The following PIGZ variants were observed in gnomAD, a reference collection of about 807,000 sequenced individuals.
The protein encoded by PIGZ is phosphatidylinositol glycan anchor biosynthesis class Z (Gwada blood group), also known as GPI alpha-1,2-mannosyltransferase 4.
PIGZ carries 16 observed loss-of-function variants against 16.4 expected under a neutral mutation model. The ratio of observed to expected loss-of-function variants is 0.97; its 90% confidence interval spans 0.66 to 1.48. The LOEUF is 1.48. PIGZ is among the 40% of genes most tolerant of loss of function. PIGZ has a pLI of 0.00. For missense variants in PIGZ, 770 were observed against 739.2 expected (o/e 1.04, Z -0.48); for synonymous variants, 409 against 338.4 (o/e 1.21, Z -2.29).
chr3:196,946,630 G>C lies in PIGZ; in HGVS notation c.*527C>G, dbSNP rs1560175652. The C allele has an allele frequency of 6.6e-6, 1 of 152,432 alleles. No homozygotes were observed. The highest frequency in any genetic ancestry group is 1.5e-5 in the Non-Finnish European group (1 of 68,190). 9.4% of individuals were successfully genotyped at this position (152,432 alleles called of 1,614,324 possible). On this transcript the variant is annotated 3_prime_UTR_variant, in exon 3 of 3. Transcript: ENST00000412723. ...GAGCTTTCTCAAGATCACACAGCGA[G>C]GAGGTGACAGACCAAGGGGCCAGAA...
At chr3:196,967,900 G>A (rs911984403) in intron 1 of PIGZ, among the ~76,000 whole-genome samples, 1 of 152,230 alleles carries the variant, frequency 6.6e-6, no homozygotes, top group African/African-American at 2.4e-5. Flanking sequence ...GCAAAGTGGG[G>A]ACTCCGCTCT....
chr3:196,952,109 T>C, intron 1 of PIGZ, 78 bp from the exon 2 acceptor site: 1 of 1,307,820 alleles, frequency 7.6e-7, no homozygotes, highest in Non-Finnish European at 1.1e-6. Flanking sequence ...TGAAAATGGA[T>C]CTGTCATTTA....
intron 1 of PIGZ, among the ~76,000 whole-genome samples, chr3:196,956,341 G>A (rs962994101): frequency 2.0e-5 from 3 of 152,200 alleles, no homozygotes; most frequent in South Asian, 2.1e-4. Flanking sequence ...GCAAAGGCAC[G>A]TCTTACATGG....
intron 1 of PIGZ, among the ~76,000 whole-genome samples, chr3:196,952,331 G>A (rs1717320967): frequency 6.6e-6 from 1 of 152,198 alleles, no homozygotes; most frequent in African/African-American, 2.4e-5. Context: ...TTCATTTTAT[G>A]TGTCCACTTG....
intron 1 of PIGZ, among the ~76,000 whole-genome samples, chr3:196,964,038 T>TTATTAA (rs10650838): frequency 6.6e-6 from 1 of 150,864 alleles, no homozygotes; most frequent in African/African-American, 2.5e-5. Flanking sequence ...TTGCTTTTAT[T>TTATTAA]TTTATTTTTA....
In PIGZ at chr3:196,948,679, A is replaced by T; in HGVS notation, c.218T>A (p.Ile73Asn). The T allele has an allele frequency of 2.1e-6, 3 of 1,452,700 alleles. No individual in the cohort carries two copies. In the East Asian group the frequency reaches 7.5e-5, roughly 36 times the overall value. 90.0% of individuals were successfully genotyped at this position (1,452,700 alleles called of 1,614,324 possible). Reference sequence around the variant, plus strand: ...GGGCCGCGCGGCCTGAACGCCCAGGATGTCCTCTGCAGAGAGAGGCAGAGG... The same window carrying T: ...GGGCCGCGCGGCCTGAACGCCCAGGTTGTCCTCTGCAGAGAGAGGCAGAGG... ...FQSPEVMAED[I>N]LGVQAARPWE... Residue 73 changes from isoleucine (I) to asparagine (N), a missense_variant, in exon 3 of 3, where the codon ATC becomes AAC. Coordinates refer to ENST00000412723, the MANE Select transcript of PIGZ (RefSeq NM_025163.4).
In PIGZ at chr3:196,948,263, GCCA is replaced by G. The variant is rs770318486; in HGVS notation, c.631_633del (p.Trp211del). The G allele has an allele frequency of 6.2e-7, 1 of 1,614,134 alleles. No homozygotes were observed. Among genetic ancestry groups the G allele is most frequent in the Non-Finnish European group, 8.5e-7 (1 of 1,180,016 alleles). On this transcript the variant is annotated inframe_deletion, in exon 3 of 3. Coordinates refer to ENST00000412723, the MANE Select transcript of PIGZ (RefSeq NM_025163.4). ...ACAATGCCTCCAAGAAGCCAGCTGC[GCCA>G]CCGTGGACCCGGCGCCGGCTCCTTG...
At position 196,948,085 on chromosome 3, in the gene PIGZ, A is replaced by G. The variant is rs753782338; in HGVS notation, c.812T>C (p.Val271Ala). ...LLPGAALTAA[V>A]FVATDSWYFS... Reference sequence around the variant, plus strand: ...ATACCAGCTGTCCGTGGCCACAAACACCGCTGCTGTGAGGGCTGCCCCAGG... The same window carrying G: ...ATACCAGCTGTCCGTGGCCACAAACGCCGCTGCTGTGAGGGCTGCCCCAGG... Residue 271 changes from valine to alanine, a missense_variant, in exon 3 of 3, where the codon GTG becomes GCG. Transcript: ENST00000412723. 17 of 1,588,582 alleles carry G rather than the reference A, an allele frequency of 1.1e-5. No homozygotes were observed. The South Asian group carries it at 1.4e-4, about 13-fold the overall frequency.
At chr3:196,959,564 AT>A (rs751303240) in intron 1 of PIGZ, among the ~76,000 whole-genome samples, 1 of 152,078 alleles carries the variant, frequency 6.6e-6, no homozygotes, top group Non-Finnish European at 1.5e-5. Flanking sequence ...TCTCTCTACC[AT>A]TCTTAGAAAA....
intron 1 of PIGZ, among the ~76,000 whole-genome samples, chr3:196,953,225 G>C (rs1717358536): frequency 6.6e-6 from 1 of 152,148 alleles, no homozygotes; most frequent in South Asian, 2.1e-4. Context: ...TGCTCAATGT[G>C]ACATTTGCAA....
chr3:196,960,722 A>G (rs1717680057), intron 1 of PIGZ, among the ~76,000 whole-genome samples: 3 of 139,622 alleles, frequency 2.1e-5, no homozygotes, highest in African/African-American at 8.5e-5. Context: ...GAAGGAAAGA[A>G]AGAAAAGAAA....
intron 1 of PIGZ, among the ~76,000 whole-genome samples, chr3:196,953,779 T>A (rs1334789486): frequency 6.6e-6 from 1 of 152,066 alleles, no homozygotes; most frequent in African/African-American, 2.4e-5. Context: ...GATGAAAGGA[T>A]CGCTTGAAAC....
chr3:196,957,444 A>G (rs1171907388), intron 1 of PIGZ, among the ~76,000 whole-genome samples: 1 of 149,248 alleles, frequency 6.7e-6, no homozygotes, highest in Non-Finnish European at 1.5e-5. Context: ...GTGCAGTGGC[A>G]TGATCTCGGC....
intron 1 of PIGZ, among the ~76,000 whole-genome samples, chr3:196,952,330 T>C (rs1717320870): frequency 6.6e-6 from 1 of 152,246 alleles, no homozygotes; most frequent in Admixed American, 6.5e-5. Context: ...GTTCATTTTA[T>C]GTGTCCACTT....
intron 1 of PIGZ, among the ~76,000 whole-genome samples, chr3:196,966,673 G>A (rs1002721317): frequency 7.9e-5 from 12 of 152,244 alleles, no homozygotes; most frequent in African/African-American, 2.9e-4. Context: ...CCCGCCCGCT[G>A]GCGTCTCTCC....
intron 1 of PIGZ, among the ~76,000 whole-genome samples, chr3:196,962,195 C>T (rs894914049): frequency 3.3e-5 from 5 of 152,224 alleles, no homozygotes; most frequent in Admixed American, 3.3e-4. Context: ...CTCACAGAAA[C>T]ATGCGCTGTA....
Position 196,948,625 on chromosome 3 carries a change from C to A in PIGZ, c.272G>T (p.Arg91Leu). Residue 91 changes from arginine to leucine, a missense_variant, in exon 3 of 3, where the codon CGC (arginine) becomes CTC (leucine). Physicochemically the swap from Arg to Leu is moderately radical, Grantham distance 102. Coordinates refer to ENST00000412723, the MANE Select transcript of PIGZ (RefSeq NM_025163.4). ...GATCAGCAGGGGGAAGAGCACCGAG[C>A]GGCAGGAGCTGCTGGGGTAAAACTC... The part of the protein sequence containing the change: ...PWEFYPSSSC[R>L]SVLFPLLISG... 6.6e-7 allele frequency: 1 copy of A among 1,509,472 alleles called. No individual in the cohort carries two copies. Among genetic ancestry groups the A allele is most frequent in the Non-Finnish European group, 8.8e-7 (1 of 1,132,702 alleles). The allele number at this position is 1,509,472 out of a possible 1,614,324, so 93.5% of individuals were successfully genotyped here. A position where few individuals can be genotyped will look rare whatever the true frequency, so the allele number is the denominator to read the frequency against.
Position 196,947,857 on chromosome 3 carries a change from G to C in PIGZ, c.1040C>G (p.Ala347Gly). The change falls in exon 3 of 3, where the codon GCC (alanine) becomes GGC (glycine). Residue 347 changes from alanine (A) to glycine (G), a missense_variant. Ala to Gly is a moderately conservative substitution (Grantham distance 60, BLOSUM62 0). Coordinates refer to ENST00000412723, the MANE Select transcript of PIGZ (RefSeq NM_025163.4). ...CCTCAGGAGGCCCATTTGTGCAGAG[G>C]CCTGGAGGCCGACTTGCAGCCGTTG... is the stretch of plus-strand genomic sequence containing the variant. Reference protein sequence around the residue: ...AWQRLQVGLQASAQMGLLRAL... With the variant: ...AWQRLQVGLQGSAQMGLLRAL... The C allele has an allele frequency of 1.2e-6, 2 of 1,613,838 alleles. No homozygotes were observed. Among genetic ancestry groups the C allele is most frequent in the Non-Finnish European group, 1.7e-6 (2 of 1,179,792 alleles).
In PIGZ at chr3:196,951,823, G is replaced by T. The variant is rs1215085937; in HGVS notation, c.209C>A (p.Ala70Glu). 3 of 1,614,014 alleles carry T rather than the reference G, an allele frequency of 1.9e-6. No homozygotes were observed. The highest frequency in any genetic ancestry group is 2.5e-6 in the Non-Finnish European group (3 of 1,179,976). ...DEFFQSPEVM[A>E]EDILGVQAAR... ...CAGCCACACATGCGGAGTTTTACCT[G>T]CCATCACCTCAGGGGACTGGAAGAA... Residue 70 changes from alanine to glutamate, a missense_variant and splice_region_variant, in exon 2 of 3, where the codon GCA becomes GAA. By Grantham distance (107) the Ala-to-Glu change is moderately radical. Transcript: ENST00000412723.
Sources: allele counts gnomAD v4.1 joint callset (sites outside exome capture counted in the v4.1 genomes callset), GRCh38; gene constraint gnomAD v4.1.1; transcripts MANE v1.5; gene names NCBI Gene and HGNC (gene_info 2026-07-23, HGNC 2026-07-21).